PCDHGA4: variants seen among roughly 807,000 people sequenced by gnomAD.
The protein encoded by PCDHGA4 is protocadherin gamma-A4.
Under a neutral mutation model 54.6 loss-of-function variants are expected in PCDHGA4, and 38 were observed. The ratio of observed to expected loss-of-function variants is 0.70; its 90% CI spans 0.54 to 0.91. The LOEUF is 0.91. Among genes scored for constraint, PCDHGA4 ranks in the 40% least tolerant of loss-of-function variants. PCDHGA4 has a pLI of 0.00. For missense variants in PCDHGA4, 1,298 were observed against 1,220.9 expected (o/e 1.06, Z -0.94); for synonymous variants, 511 against 512.9 (o/e 1.00, Z 0.05).
At position 141,404,471 on chromosome 5, in the gene PCDHGA4, A is replaced by G. The variant is rs200620626; in HGVS notation, c.2514+46850A>G. ...GTCTCCTCTCTCCACCTATGTCTCT[A>G]TTAACTCAGACACTGGTGTGCTGTA... On this transcript the variant is annotated intron_variant, in intron 1 of 3. Coordinates refer to ENST00000571252, the MANE Select transcript of PCDHGA4 (RefSeq NM_018917.4). 307 of 1,613,160 alleles carry G rather than the reference A, an allele frequency of 1.9e-4. No homozygotes were observed. Among genetic ancestry groups the G allele is most frequent in the Non-Finnish European group, 2.5e-4 (293 of 1,179,322 alleles).
intron 2 of PCDHGA4, among the ~76,000 whole-genome samples, chr5:141,497,578 T>C (rs2099778035): frequency 1.3e-5 from 2 of 150,806 alleles, no homozygotes; most frequent in South Asian, 4.2e-4. Context: ...CTTGCTCTGT[T>C]GCCCAAGCTG....
chr5:141,489,844 C>T lies in PCDHGA4; in HGVS notation c.2515-4963C>T, dbSNP rs1004902910. 4.3e-6 allele frequency: 7 copies of T among 1,614,148 alleles called. No homozygotes were observed. The African/African-American group carries it at 9.3e-5, about 22-fold the overall frequency. ...GCTGGTGCTAGAGCAGCAGCTGGAT[C>T]GTGAAGCCCAGGCAAGACATCAGCT... On this transcript the variant is annotated intron_variant, in intron 1 of 3. Transcript: ENST00000571252. The surrounding 1 kb of genome is among the most constrained non-coding windows in gnomAD (Gnocchi z 4.5).
chr5:141,445,456 T>A (rs921684111), intron 1 of PCDHGA4, among the ~76,000 whole-genome samples: 8 of 152,218 alleles, frequency 5.3e-5, no homozygotes, highest in Non-Finnish European at 1.0e-4. Flanking sequence ...GATGCAGCAA[T>A]GAACAAGGCA....
At chr5:141,460,985 A>G (rs553462661) in intron 1 of PCDHGA4, among the ~76,000 whole-genome samples, 245 of 91,804 alleles carry the variant, frequency 2.7e-3, no homozygotes, top group Middle Eastern at 5.0e-3. Context: ...GTGTGTGTGT[A>G]TATATATATA....
chr5:141,402,710 C>T (rs2094297033), intron 1 of PCDHGA4, among the ~76,000 whole-genome samples: 1 of 152,092 alleles, frequency 6.6e-6, no homozygotes, highest in African/African-American at 2.4e-5. Context: ...GGTGTAGTAA[C>T]GGCTTAGGAC....
chr5:141,357,402 T>A lies in PCDHGA4; in HGVS notation c.2295T>A (p.Gly765=), dbSNP rs1760583395. The change falls in exon 1 of 4, where the codon GGT becomes GGA. Residue 765 remains glycine, a synonymous_variant. Transcript: ENST00000571252. ...LLHAEGSRLA[G]VPASHFVGVD... ...ACGCTGAAGGCAGCAGGTTGGCAGG[T>A]GTGCCTGCCTCGCACTTTGTGGGCG... 6.2e-7 allele frequency: 1 copy of A among 1,614,228 alleles called. No homozygotes were observed. The highest frequency in any genetic ancestry group is 8.5e-7 in the Non-Finnish European group (1 of 1,180,024).
intron 1 of PCDHGA4, chr5:141,365,729 A>G: frequency 1.2e-6 from 2 of 1,613,792 alleles, no homozygotes; most frequent in South Asian, 2.2e-5. Flanking sequence ...AAACAATCCC[A>G]GAGGTGTCTC....
chr5:141,451,813 G>A (rs921877961), intron 1 of PCDHGA4, among the ~76,000 whole-genome samples: 13 of 150,788 alleles, frequency 8.6e-5, no homozygotes, highest in East Asian at 2.0e-4. Context: ...CCCAGGAGGC[G>A]GAGGTTACAG....
At chr5:141,501,328 CA>C (rs1446948770) in intron 2 of PCDHGA4, among the ~76,000 whole-genome samples, 83 of 151,828 alleles carry the variant, frequency 5.5e-4, no homozygotes, top group Admixed American at 2.2e-3. Context: ...CACACACACA[CA>C]CACACCCCAA....
chr5:141,487,475 C>A lies in PCDHGA4; in HGVS notation c.2515-7332C>A. 6.2e-7 allele frequency: 1 copy of A among 1,614,156 alleles called. No individual in the cohort carries two copies. The highest frequency in any genetic ancestry group is 8.5e-7 in the Non-Finnish European group (1 of 1,180,032). On this transcript the variant is annotated intron_variant, in intron 1 of 3. Transcript: ENST00000571252. This position sits in a 1 kb window ranked among gnomAD's most constrained non-coding sequence, Gnocchi z 5.0. ...TATCAAGTTTGTTGATGTGGGAGGC[C>A]ACTCTCATGGCTGTACACCCTTGGC...
Position 141,478,407 on chromosome 5 carries a change from C to T in PCDHGA4, c.2515-16400C>T. On this transcript the variant is annotated intron_variant, in intron 1 of 3. Coordinates refer to ENST00000571252, the MANE Select transcript of PCDHGA4 (RefSeq NM_018917.4). The stretch of plus-strand genomic sequence containing the variant: ...CTTTACCATCAGGTGTATCTCACCA[C>T]GGACTCCCGCCGCAGCGACCCGCTG... 1.9e-6 allele frequency: 3 copies of T among 1,613,272 alleles called. No individual in the cohort carries two copies. The highest frequency in any genetic ancestry group is 1.3e-5 in the African/African-American group (1 of 75,072).
chr5:141,446,532 A>G (rs1443843436), intron 1 of PCDHGA4, among the ~76,000 whole-genome samples: 1 of 151,788 alleles, frequency 6.6e-6, no homozygotes, highest in Non-Finnish European at 1.5e-5. Flanking sequence ...GCTGGAGTGC[A>G]GTGGCCCTAT....
At chr5:141,391,974 C>T (rs2092450559) in intron 1 of PCDHGA4, 1 of 152,032 alleles carries the variant, frequency 6.6e-6, no homozygotes. Flanking sequence ...AATAAAATAG[C>T]AAAACAATGT....
chr5:141,394,807 C>G (rs943252788), intron 1 of PCDHGA4: 3 of 1,613,886 alleles, frequency 1.9e-6, no homozygotes, highest in African/African-American at 2.7e-5. Context: ...GTAGCCGTGG[C>G]TGACAGCATC....
chr5:141,478,327 A>G lies in PCDHGA4; in HGVS notation c.2515-16480A>G, dbSNP rs149317962. The G allele has an allele frequency of 9.9e-6, 16 of 1,613,974 alleles. No homozygotes were observed. The African/African-American group carries it at 2.0e-4, about 20-fold the overall frequency. The stretch of plus-strand genomic sequence containing the variant: ...CCCCGGTGAGCTCACTGTACCGAAC[A>G]CCAGGGCCCTCCTTGCACGCGGACG... On this transcript the variant is annotated intron_variant, in intron 1 of 3. Transcript: ENST00000571252.
chr5:141,423,026 G>T (rs1333695085), intron 1 of PCDHGA4: 1 of 1,614,210 alleles, frequency 6.2e-7, no homozygotes, highest in Admixed American at 1.7e-5. Context: ...AAAGATTCAG[G>T]CCAGAACGCC....
intron 1 of PCDHGA4, among the ~76,000 whole-genome samples, chr5:141,450,812 T>A (rs2098694727): frequency 7.5e-6 from 1 of 133,924 alleles, no homozygotes; most frequent in Admixed American, 7.4e-5. Context: ...ATTTATTTAT[T>A]TAATATTATT....
chr5:141,365,691 A>C, intron 1 of PCDHGA4: 5 of 1,613,420 alleles, frequency 3.1e-6, no homozygotes, highest in Non-Finnish European at 4.2e-6. Context: ...AATTTCCCTC[A>C]AGCCTCCTAC....
intron 1 of PCDHGA4, among the ~76,000 whole-genome samples, chr5:141,448,521 GCATCCTGTCAGCATTTC>G (rs1378426350): frequency 1.3e-5 from 2 of 151,994 alleles, no homozygotes; most frequent in Non-Finnish European, 2.9e-5. Flanking sequence ...ACTTTATTAA[GCATCCTGTCAGCATTTC>G]TTATGCAAAT....
Sources: gnomAD v4.1 joint callset for allele counts (sites outside exome capture counted in the v4.1 genomes callset) on GRCh38, gnomAD v4.1.1 for gene constraint, Gnocchi (gnomAD v3.1) non-coding constraint, MANE v1.5 for transcripts, NCBI Gene and HGNC (gene_info 2026-07-23, HGNC 2026-07-21) for gene names.